ARHGEF2: variants seen among roughly 807,000 people sequenced by gnomAD.
The protein encoded by ARHGEF2 is rho guanine nucleotide exchange factor 2.
A neutral mutation model predicts 121.0 loss-of-function variants in ARHGEF2; 22 were observed. The ratio of observed to expected loss-of-function variants is 0.18; its 90% CI spans 0.13 to 0.26. The LOEUF is 0.26. Ranked by LOEUF, ARHGEF2 falls within the 10% of genes least tolerant of loss-of-function variation. ARHGEF2 has a pLI of 1.00. For synonymous variants in ARHGEF2, 487 were observed against 530.0 expected (o/e 0.92, Z 1.11); for missense variants, 907 against 1,336.0 (o/e 0.68, Z 5.01).
chr1:155,949,749 C>T (rs565017690), intron 21 of ARHGEF2, among the ~76,000 whole-genome samples: 15 of 150,974 alleles, frequency 9.9e-5, no homozygotes, highest in Non-Finnish European at 1.8e-4. Flanking sequence ...TGGCGGTGGG[C>T]GCCTGTAATC....
intron 1 of ARHGEF2, chr1:155,972,411 G>C: frequency 2.4e-6 from 1 of 421,076 alleles, no homozygotes; most frequent in Non-Finnish European, 4.9e-6. Flanking sequence ...CAGGGCTCAG[G>C]CTTCTGAGGA....
chr1:155,966,899 G>A lies in ARHGEF2; in HGVS notation c.209-12C>T. The A allele has an allele frequency of 6.2e-7, 1 of 1,613,294 alleles. No individual in the cohort carries two copies. The highest frequency in any genetic ancestry group is 1.3e-5 in the African/African-American group (1 of 74,926). On this transcript the variant is annotated splice_polypyrimidine_tract_variant and intron_variant, in intron 2 of 21. Coordinates refer to ENST00000361247, the MANE Select transcript of ARHGEF2 (RefSeq NM_001162383.2). ...AGTCACATTGCAGGCTGGGAGGGTG[G>A]GGTAGAGAGGGTGAAGGGAGGGCCG... is the stretch of plus-strand genomic sequence containing the variant.
At chr1:155,971,442 A>G (rs1277261139) in intron 1 of ARHGEF2, among the ~76,000 whole-genome samples, 3 of 151,768 alleles carry the variant, frequency 2.0e-5, no homozygotes, top group Non-Finnish European at 4.4e-5. Flanking sequence ...AGCTGGGCGT[A>G]GTGGCAGGCA....
At chr1:155,956,801 C>T (rs1186978469) in intron 13 of ARHGEF2, among the ~76,000 whole-genome samples, 5 of 124,560 alleles carry the variant, frequency 4.0e-5, no homozygotes, top group African/African-American at 1.5e-4. Flanking sequence ...ACTAAAAATA[C>T]AAAAATTAGC....
Position 155,962,725 on chromosome 1 carries a change from G to T in ARHGEF2, c.976-7C>A. The T allele has an allele frequency of 6.2e-7, 1 of 1,614,164 alleles. No homozygotes were observed. Among genetic ancestry groups the T allele is most frequent in the African/African-American group, 1.3e-5 (1 of 75,050 alleles). ...CCGCACTAGGACCTGAGAACTAGAA[G>T]TTGGTCGAGTAAGGTTAGGTCAGCA... On this transcript the variant is annotated splice_polypyrimidine_tract_variant and splice_region_variant and intron_variant, in intron 8 of 21. Coordinates refer to ENST00000361247, the MANE Select transcript of ARHGEF2 (RefSeq NM_001162383.2). The surrounding 1 kb of genome is among the most constrained non-coding windows in gnomAD (Gnocchi z 5.8).
At position 155,947,754 on chromosome 1, in the gene ARHGEF2, A is replaced by AG; in HGVS notation, c.*187dup. ...CTGTGGTGTAGCTTTCGGATGTCCC[A>AG]GGGGGTGTTGTGGCCTAATTCCCCT... On this transcript the variant is annotated 3_prime_UTR_variant, in exon 22 of 22. Transcript: ENST00000361247. 1.8e-6 allele frequency: 1 copy of AG among 561,584 alleles called. No homozygotes were observed. The highest frequency in any genetic ancestry group is 3.2e-6 in the Non-Finnish European group (1 of 312,808). The allele number at this position is 561,584 out of a possible 1,614,324, so 34.8% of individuals were successfully genotyped here.
At chr1:155,964,909 A>T in intron 7 of ARHGEF2, 79 bp downstream of exon 7, 4 of 1,425,242 alleles carry the variant, frequency 2.8e-6, no homozygotes, top group African/African-American at 1.5e-5. Context: ...AAAAAAAAAA[A>T]GAAAAAGAAA....
At chr1:155,970,158 TGGTCTC>T (rs1339064264) in intron 1 of ARHGEF2, 1 of 985,334 alleles carries the variant, frequency 1.0e-6, no homozygotes, top group Non-Finnish European at 1.2e-6. Context: ...CTTACCCAAC[TGGTCTC>T]TCCCATCCTA....
rs567601316 is a variant in ARHGEF2, at chr1:155,962,327, G to A, written c.1102-105C>T. ...TGGCGTGGCCATTTACCTCATGCTT[G>A]CCTAGGTGACATATCTGGAAAATGG... On this transcript the variant is annotated intron_variant, in intron 9 of 21. Transcript: ENST00000361247. This position sits in a 1 kb window ranked among gnomAD's most constrained non-coding sequence, Gnocchi z 5.8. 5 of 1,212,228 alleles carry A rather than the reference G, an allele frequency of 4.1e-6. No individual in the cohort carries two copies. In the South Asian group the frequency reaches 5.4e-5, roughly 13 times the overall value. 75.1% of individuals were successfully genotyped at this position (1,212,228 alleles called of 1,614,324 possible). A position where few individuals can be genotyped will look rare whatever the true frequency, so the allele number is the denominator to read the frequency against.
intron 1 of ARHGEF2, chr1:155,969,549 G>A: frequency 7.4e-7 from 1 of 1,345,532 alleles, no homozygotes; most frequent in East Asian, 3.0e-5. Flanking sequence ...CCCTACGGCT[G>A]GGCTGCCTCC....
chr1:155,970,296 C>G (rs1244087904), intron 1 of ARHGEF2: 10 of 985,556 alleles, frequency 1.0e-5, no homozygotes, highest in Middle Eastern at 5.2e-4. Flanking sequence ...TCCCCCAGTG[C>G]CCCTGCCTCT....
chr1:155,959,359 C>G (rs868218768), intron 11 of ARHGEF2, among the ~76,000 whole-genome samples: 44 of 151,944 alleles, frequency 2.9e-4, no homozygotes, highest in Middle Eastern at 3.4e-3. Context: ...AGCGATTCTC[C>G]TGCCTCAGCC....
rs563057447 is a variant in ARHGEF2 at position 155,950,536 on chromosome 1, T to C, written c.2704-54A>G. 102 of 1,573,434 alleles carry C rather than the reference T, an allele frequency of 6.5e-5. No homozygotes were observed. In the East Asian group the frequency reaches 1.3e-3, roughly 20 times the overall value. ...GGTCAGGGACTGAGTAGTGTGAAGA[T>C]TGGAGGTTCTGCTTGGCTGAAGGCA... On this transcript the variant is annotated intron_variant, in intron 20 of 21. Coordinates refer to ENST00000361247, the MANE Select transcript of ARHGEF2 (RefSeq NM_001162383.2). The surrounding 1 kb of genome is among the most constrained non-coding windows in gnomAD (Gnocchi z 5.2).
chr1:155,971,827 C>G (rs906188133), intron 1 of ARHGEF2, among the ~76,000 whole-genome samples: 1 of 151,332 alleles, frequency 6.6e-6, no homozygotes, highest in Non-Finnish European at 1.5e-5. Context: ...GTGGGAGGAT[C>G]GCTTGAGGCC....
chr1:155,978,527 C>A lies in ARHGEF2; in HGVS notation c.-100G>T. ...GGGTTCGGCCCGCACGCGTTGGTCT[C>A]GGGGACAGGAAGTCTGACTCCCCTC... On this transcript the variant is annotated 5_prime_UTR_variant, in exon 1 of 22. Transcript: ENST00000361247. This position sits in a 1 kb window ranked among gnomAD's most constrained non-coding sequence, Gnocchi z 4.1. 7.8e-7 allele frequency: 1 copy of A among 1,289,522 alleles called. No individual in the cohort carries two copies. Among genetic ancestry groups the A allele is most frequent in the South Asian group, 2.3e-5 (1 of 43,356 alleles). 79.9% of individuals were successfully genotyped at this position (1,289,522 alleles called of 1,614,324 possible). A position where few individuals can be genotyped will look rare whatever the true frequency, so the allele number is the denominator to read the frequency against.
rs1033140122 is a variant in ARHGEF2, at chr1:155,947,176, T to C, written c.*766A>G. On this transcript the variant is annotated 3_prime_UTR_variant, in exon 22 of 22. Transcript: ENST00000361247. ...CTCAACTTCTTCAGAGATGTGGAGATAGGAGGCTTCGATCTCTAATTGCCT... is the reference window on the plus strand; with the variant it reads ...CTCAACTTCTTCAGAGATGTGGAGACAGGAGGCTTCGATCTCTAATTGCCT... 8.3e-6 allele frequency: 3 copies of C among 363,538 alleles called. No homozygotes were observed. The highest frequency in any genetic ancestry group is 3.7e-5 in the Admixed American group (1 of 27,312). 22.5% of individuals were successfully genotyped at this position (363,538 alleles called of 1,614,324 possible).
At position 155,966,236 on chromosome 1, in the gene ARHGEF2, C is replaced by G. The variant is rs144529095; in HGVS notation, c.340+180G>C. Among the ~76,000 whole-genome samples, 441 of 152,196 alleles carry G rather than the reference C, an allele frequency of 2.9e-3. 4 individuals carry two copies. The highest frequency in any genetic ancestry group is 0.01 in the African/African-American group (417 of 41,526). On this transcript the variant is annotated intron_variant, in intron 4 of 21. Transcript: ENST00000361247. ...CCTCATCCCCATTCGGACTCTCTCT[C>G]CCCTTCTGCCTCTAAGTCCAAGAGT...
chr1:155,965,116 C>G lies in ARHGEF2; in HGVS notation c.596G>C (p.Ser199Thr). 1.2e-6 allele frequency: 2 copies of G among 1,614,130 alleles called. No homozygotes were observed. Among genetic ancestry groups the G allele is most frequent in the Non-Finnish European group, 1.7e-6 (2 of 1,180,018 alleles). ...SLIDEAEVIYSELMSDFEMDE... is the reference protein window; with the variant it reads ...SLIDEAEVIYTELMSDFEMDE... Reference sequence around the variant, plus strand: ...CATCTCAAAGTCACTCATCAGCTCACTGTAGATTACCTCTGCTGGACATTA... The same window carrying G: ...CATCTCAAAGTCACTCATCAGCTCAGTGTAGATTACCTCTGCTGGACATTA... Residue 199 changes from serine to threonine, a missense_variant, in exon 7 of 22, where the codon AGT (serine) becomes ACT (threonine). This residue lies in a region of ARHGEF2 where 475 missense variants were observed against 776.5 expected (regional missense o/e 0.61). Coordinates refer to ENST00000361247, the MANE Select transcript of ARHGEF2 (RefSeq NM_001162383.2). The surrounding 1 kb of genome is among the most constrained non-coding windows in gnomAD (Gnocchi z 6.0).
chr1:155,966,775 C>T (rs768327173), intron 3 of ARHGEF2, 45 bp downstream of exon 3: 9 of 1,523,674 alleles, frequency 5.9e-6, no homozygotes, highest in African/African-American at 1.4e-5. Flanking sequence ...GTACCGCACA[C>T]TCACTACCCT....
Sources: allele counts gnomAD v4.1 joint callset (sites outside exome capture counted in the v4.1 genomes callset), GRCh38; gene constraint gnomAD v4.1.1; regional missense constraint gnomAD v4.1.1; non-coding constraint Gnocchi (gnomAD v3.1); transcripts MANE v1.5; gene names NCBI Gene and HGNC (gene_info 2026-07-23, HGNC 2026-07-21).